The following MACROD2 variants were observed in gnomAD, a reference collection of about 807,000 sequenced individuals.
MACROD2 encodes mono-ADP ribosylhydrolase 2.
Under a neutral mutation model 70.4 loss-of-function variants are expected in MACROD2, and 36 were observed. The ratio of observed to expected loss-of-function variants is 0.51; its 90% CI spans 0.39 to 0.68. The LOEUF is 0.68. Ranked by LOEUF, MACROD2 falls within the 30% of genes least tolerant of loss-of-function variation. MACROD2 has a pLI of 0.00. For synonymous variants in MACROD2, 172 were observed against 178.8 expected, an observed-to-expected ratio of 0.96 and a Z score of 0.30; for missense variants, 496 against 538.4, an observed-to-expected ratio of 0.92 and a Z score of 0.78.
At chr20:14,327,713 A>G (rs191548585) in intron 3 of MACROD2, among the ~76,000 whole-genome samples, 160 of 152,276 alleles carry the variant, frequency 1.1e-3, no homozygotes, top group African/African-American at 3.6e-3. Flanking sequence ...TTGCTAGCTA[A>G]CAATAGACAC....
At chr20:14,974,189 G>A (rs1330778442) in intron 5 of MACROD2, among the ~76,000 whole-genome samples, 3 of 152,164 alleles carry the variant, frequency 2.0e-5, no homozygotes, top group Non-Finnish European at 4.4e-5. Flanking sequence ...TGGATGTAGC[G>A]GATAGCGGAG....
chr20:15,567,942 A>G (rs1305400333), intron 8 of MACROD2, among the ~76,000 whole-genome samples: 1 of 152,222 alleles, frequency 6.6e-6, no homozygotes, highest in Non-Finnish European at 1.5e-5. Flanking sequence ...TGGCAAATTT[A>G]CTTCAAATTA....
intron 3 of MACROD2, among the ~76,000 whole-genome samples, chr20:14,171,226 T>C (rs1426434500): frequency 6.6e-6 from 1 of 152,204 alleles, no homozygotes; most frequent in Non-Finnish European, 1.5e-5. Context: ...CTTATTTGGA[T>C]CTTCTCTCTT....
chr20:15,109,033 G>C (rs1380093762), intron 5 of MACROD2, among the ~76,000 whole-genome samples: 1 of 152,170 alleles, frequency 6.6e-6, no homozygotes, highest in Non-Finnish European at 1.5e-5. Flanking sequence ...CCCACTCCCT[G>C]TTTTGTTAAT....
chr20:14,100,305 A>G (rs118090233), intron 3 of MACROD2, among the ~76,000 whole-genome samples: 234 of 151,964 alleles, frequency 1.5e-3, no homozygotes, highest in Non-Finnish European at 2.9e-3. Context: ...GAACATAGAT[A>G]TTTTAAAATC....
intron 8 of MACROD2, among the ~76,000 whole-genome samples, chr20:15,673,791 A>AAC (rs1422045276): frequency 6.7e-6 from 1 of 148,320 alleles, no homozygotes; most frequent in Non-Finnish European, 1.5e-5. Context: ...GAAAAAAAAA[A>AAC]AAAACAGCCC....
chr20:15,377,504 A>G (rs532429151), intron 6 of MACROD2, among the ~76,000 whole-genome samples: 3 of 152,314 alleles, frequency 2.0e-5, no homozygotes, highest in Admixed American at 6.5e-5. Context: ...TTATGGAGGA[A>G]TTAGTATTTC....
At chr20:15,701,845 C>T (rs1394900467) in intron 8 of MACROD2, among the ~76,000 whole-genome samples, 1 of 152,130 alleles carries the variant, frequency 6.6e-6, no homozygotes, top group Non-Finnish European at 1.5e-5. Flanking sequence ...TCCCTAGTGT[C>T]TATTATTCAC....
intron 2 of MACROD2, among the ~76,000 whole-genome samples, chr20:14,045,306 A>G (rs6105206): frequency 0.18 from 26,721 of 152,236 alleles, 2,567 homozygotes; most frequent in South Asian, 0.23. Context: ...CGCCGAGAGC[A>G]AGCGAGGGCT....
chr20:14,989,320 G>T (rs1324395171), intron 5 of MACROD2, among the ~76,000 whole-genome samples: 4 of 152,296 alleles, frequency 2.6e-5, no homozygotes, highest in Admixed American at 1.3e-4. Context: ...ATACCAGTGG[G>T]CTAGGGAAGA....
intron 5 of MACROD2, among the ~76,000 whole-genome samples, chr20:15,131,685 T>C (rs1305843796): frequency 6.6e-6 from 1 of 152,036 alleles, no homozygotes; most frequent in Non-Finnish European, 1.5e-5. Context: ...TTTTAGACAT[T>C]GAACTAGAAG....
chr20:15,707,124 T>TACAG (rs1228224846), intron 8 of MACROD2, among the ~76,000 whole-genome samples: 1 of 152,202 alleles, frequency 6.6e-6, no homozygotes. Context: ...CATACATACA[T>TACAG]ATAGTCATGT....
At chr20:14,045,866 G>T (rs2053465751) in intron 2 of MACROD2, among the ~76,000 whole-genome samples, 1 of 152,176 alleles carries the variant, frequency 6.6e-6, no homozygotes, top group African/African-American at 2.4e-5. Flanking sequence ...AGAAATTAAA[G>T]ATATAATAAT....
chr20:14,364,841 T>G (rs879872846), intron 3 of MACROD2, among the ~76,000 whole-genome samples: 5 of 152,238 alleles, frequency 3.3e-5, no homozygotes, highest in Admixed American at 1.3e-4. Context: ...TGTCAAAATT[T>G]GCCCATCCAT....
chr20:14,683,622 T>C (rs1222797522), intron 4 of MACROD2, among the ~76,000 whole-genome samples: 1 of 152,198 alleles, frequency 6.6e-6, no homozygotes, highest in Non-Finnish European at 1.5e-5. Context: ...CTCCCTGCCA[T>C]GCAGTGGCAG....
chr20:15,551,608 G>A (rs948502121), intron 8 of MACROD2, among the ~76,000 whole-genome samples: 11 of 152,036 alleles, frequency 7.2e-5, no homozygotes, highest in Non-Finnish European at 1.3e-4. Context: ...GCTGGGCGCG[G>A]TGGCTCACGC....
intron 5 of MACROD2, among the ~76,000 whole-genome samples, chr20:14,832,034 GTTTT>G (rs1180071947): frequency 1.6e-4 from 10 of 63,674 alleles, no homozygotes; most frequent in African/African-American, 7.2e-4. Context: ...GCCTTTGCGA[GTTTT>G]TTTTTTTTTT....
At chr20:14,300,100 G>A (rs2082461991) in intron 3 of MACROD2, among the ~76,000 whole-genome samples, 1 of 152,124 alleles carries the variant, frequency 6.6e-6, no homozygotes, top group Admixed American at 6.5e-5. Context: ...TGAGGCTACT[G>A]ATAGTTTGAG....
chr20:15,786,593 A>G (rs2051931189), intron 8 of MACROD2, among the ~76,000 whole-genome samples: 1 of 152,210 alleles, frequency 6.6e-6, no homozygotes, highest in Non-Finnish European at 1.5e-5. Context: ...TTTTGAATAG[A>G]AAGTCAAATA....
Sources: gnomAD v4.1 joint callset for allele counts (sites outside exome capture counted in the v4.1 genomes callset) on GRCh38, gnomAD v4.1.1 for gene constraint, MANE v1.5 for transcripts, NCBI Gene and HGNC (gene_info 2026-07-23, HGNC 2026-07-21) for gene names.